Variants in LOXL2 observed in about 807,000 individuals in gnomAD.
LOXL2 encodes lysyl oxidase homolog 2.
In LOXL2, 70 loss-of-function variants were observed where a neutral mutation model predicts 93.0. That is an observed-to-expected ratio of 0.75 (90% CI 0.62 to 0.92). The LOEUF is 0.92. Ranked by LOEUF, LOXL2 falls within the 40% of genes least tolerant of loss-of-function variation. LOXL2 has a pLI of 0.00. For missense variants in LOXL2, 973 were observed against 1,054.9 expected (o/e 0.92, Z 1.08); for synonymous variants, 438 against 413.2 (o/e 1.06, Z -0.73).
chr8:23,336,740 C>T (rs1411373191), intron 4 of LOXL2: 1 of 152,200 alleles, frequency 6.6e-6, no homozygotes, highest in Non-Finnish European at 1.5e-5. Context: ...AGCTAAAAAC[C>T]CATAAGCCCC....
chr8:23,330,190 C>A (rs968576962), intron 5 of LOXL2, among the ~76,000 whole-genome samples: 1 of 152,074 alleles, frequency 6.6e-6, no homozygotes, highest in Non-Finnish European at 1.5e-5. Context: ...AAAAATTAGC[C>A]AGGTGCGGTG....
intron 4 of LOXL2, among the ~76,000 whole-genome samples, chr8:23,338,035 C>A (rs777016641): frequency 5.9e-5 from 9 of 152,190 alleles, no homozygotes; most frequent in Non-Finnish European, 1.3e-4. Flanking sequence ...ACTGGGGAAG[C>A]CTCACCATCA....
chr8:23,375,681 A>C (rs532622740), intron 1 of LOXL2, among the ~76,000 whole-genome samples: 265 of 152,148 alleles, frequency 1.7e-3, no homozygotes, highest in Admixed American at 3.7e-3. Flanking sequence ...AAGATGGATT[A>C]CTAGGTATTT....
chr8:23,346,338 G>A (rs1219687783), intron 3 of LOXL2, among the ~76,000 whole-genome samples: 2 of 152,120 alleles, frequency 1.3e-5, no homozygotes, highest in Non-Finnish European at 2.9e-5. Flanking sequence ...CAGGACTCCA[G>A]AAAGCTTCCC....
At chr8:23,307,165 T>C (rs1351098439) in intron 10 of LOXL2, among the ~76,000 whole-genome samples, 1 of 152,096 alleles carries the variant, frequency 6.6e-6, no homozygotes, top group African/African-American at 2.4e-5. Context: ...CTAGAAATAT[T>C]TGTTTTGAGG....
chr8:23,368,394 G>A lies in LOXL2; in HGVS notation c.-43C>T. 6.5e-7 allele frequency: 1 copy of A among 1,550,198 alleles called. No individual in the cohort carries two copies. The highest frequency in any genetic ancestry group is 8.8e-7 in the Non-Finnish European group (1 of 1,130,742). ...TGATCCCACGAAGGGGCCCTGCGCA[G>A]CTGGGAGGGACAGGCGGGGTACAGA... On this transcript the variant is annotated 5_prime_UTR_variant, in exon 2 of 14. Coordinates refer to ENST00000389131, the MANE Select transcript of LOXL2 (RefSeq NM_002318.3).
intron 1 of LOXL2, among the ~76,000 whole-genome samples, chr8:23,393,769 A>AAG (rs1271460981): frequency 6.6e-6 from 1 of 152,220 alleles, no homozygotes; most frequent in African/African-American, 2.4e-5. Context: ...CCAGGGCAGC[A>AAG]GTGGTGAGGG....
chr8:23,368,395 C>A lies in LOXL2; in HGVS notation c.-44G>T. The A allele has an allele frequency of 6.5e-7, 1 of 1,545,950 alleles. No individual in the cohort carries two copies. Among genetic ancestry groups the A allele is most frequent in the Non-Finnish European group, 8.9e-7 (1 of 1,127,394 alleles). The stretch of plus-strand genomic sequence containing the variant: ...GATCCCACGAAGGGGCCCTGCGCAG[C>A]TGGGAGGGACAGGCGGGGTACAGAA... On this transcript the variant is annotated 5_prime_UTR_variant, in exon 2 of 14. Transcript: ENST00000389131.
intron 10 of LOXL2, among the ~76,000 whole-genome samples, chr8:23,307,852 A>G (rs1023220717): frequency 6.7e-6 from 1 of 149,022 alleles, no homozygotes; most frequent in African/African-American, 2.5e-5. Flanking sequence ...TTGAATGGAA[A>G]ATCAGCACCC....
intron 1 of LOXL2, among the ~76,000 whole-genome samples, chr8:23,380,564 A>G (rs1804668556): frequency 6.6e-6 from 1 of 151,168 alleles, no homozygotes; most frequent in Non-Finnish European, 1.5e-5. Context: ...GCCCTCTCCT[A>G]CTCCCTCCTC....
intron 13 of LOXL2, 94 bp from the exon 14 acceptor site, chr8:23,298,216 G>GA: frequency 1.2e-6 from 1 of 866,368 alleles, no homozygotes; most frequent in Non-Finnish European, 1.9e-6. Context: ...AGGGGCTGCT[G>GA]GGGCCACCTG....
intron 3 of LOXL2, among the ~76,000 whole-genome samples, chr8:23,346,097 A>T (rs184450317): frequency 0.099 from 11,684 of 118,376 alleles, 642 homozygotes; most frequent in African/African-American, 0.19. Context: ...AAAATAAAAT[A>T]AAATAAAATA....
chr8:23,323,653 T>C (rs1282799924), intron 6 of LOXL2, among the ~76,000 whole-genome samples: 1 of 146,274 alleles, frequency 6.8e-6, no homozygotes, highest in African/African-American at 2.7e-5. Flanking sequence ...TCCTCATTTG[T>C]AAAAGGCCAA....
intron 3 of LOXL2, among the ~76,000 whole-genome samples, chr8:23,354,827 G>A (rs1322683147): frequency 6.6e-6 from 1 of 151,272 alleles, no homozygotes; most frequent in Admixed American, 6.6e-5. Context: ...CCACTGACAA[G>A]GAGCTCACCA....
chr8:23,355,512 CTTTTTTTTT>C (rs58824822), intron 3 of LOXL2, among the ~76,000 whole-genome samples: 4 of 80,320 alleles, frequency 5.0e-5, no homozygotes, highest in African/African-American at 1.6e-4. Flanking sequence ...TTGACATTCA[CTTTTTTTTT>C]TTTTTTTTTT....
chr8:23,389,717 A>T (rs192636113), intron 1 of LOXL2, among the ~76,000 whole-genome samples: 2 of 152,322 alleles, frequency 1.3e-5, no homozygotes, highest in East Asian at 1.9e-4. Flanking sequence ...TGTGATGCTC[A>T]TAACTGTCCC....
At chr8:23,395,644 C>G (rs535231025) in intron 1 of LOXL2, among the ~76,000 whole-genome samples, 2 of 152,230 alleles carry the variant, frequency 1.3e-5, no homozygotes, top group East Asian at 3.9e-4. Context: ...ATGCAGGCAG[C>G]CTGGGGGTGG....
At chr8:23,364,598 G>T (rs1358537944) in intron 2 of LOXL2, 1 of 152,198 alleles carries the variant, frequency 6.6e-6, no homozygotes, top group Non-Finnish European at 1.5e-5. Flanking sequence ...CACTGTGGGA[G>T]GCCAAGGTGG....
At chr8:23,348,194 G>A (rs1804024689) in intron 3 of LOXL2, among the ~76,000 whole-genome samples, 1 of 146,104 alleles carries the variant, frequency 6.8e-6, no homozygotes, top group Non-Finnish European at 1.5e-5. Context: ...CGCGTAGGTG[G>A]GAATTGAACA....
Sources: gnomAD v4.1 joint callset for allele counts (sites outside exome capture counted in the v4.1 genomes callset) on GRCh38, gnomAD v4.1.1 for gene constraint, MANE v1.5 for transcripts, NCBI Gene and HGNC (gene_info 2026-07-23, HGNC 2026-07-21) for gene names.